VEPH1: variants seen among roughly 807,000 people sequenced by gnomAD.
The protein encoded by VEPH1 is ventricular zone-expressed PH domain-containing protein homolog 1.
A neutral mutation model predicts 85.2 loss-of-function variants in VEPH1; 80 were observed. The observed-to-expected ratio is 0.94, with a 90% CI of 0.78 to 1.13. The LOEUF is 1.13. Ranked by LOEUF, VEPH1 falls within the 50% of genes most tolerant of loss-of-function variation. The pLI, the probability that VEPH1 is intolerant of heterozygous loss-of-function variation, is 0.00. For missense variants in VEPH1, 955 were observed against 980.5 expected, an observed-to-expected ratio of 0.97 and a Z score of 0.35; for synonymous variants, 297 against 348.0, an observed-to-expected ratio of 0.85 and a Z score of 1.63.
chr3:157,361,589 C>T (rs1212421197), intron 9 of VEPH1, among the ~76,000 whole-genome samples: 1 of 152,182 alleles, frequency 6.6e-6, no homozygotes, highest in African/African-American at 2.4e-5. Flanking sequence ...GCAGATCATG[C>T]CAGAGTGCTA....
chr3:157,264,733 A>G (rs913404243), intron 13 of VEPH1, among the ~76,000 whole-genome samples: 2 of 152,190 alleles, frequency 1.3e-5, no homozygotes, highest in Non-Finnish European at 2.9e-5. Context: ...GTTTGAGGCA[A>G]TCCAAGGTGT....
At chr3:157,430,791 A>C (rs576373856) in intron 4 of VEPH1, among the ~76,000 whole-genome samples, 7 of 152,214 alleles carry the variant, frequency 4.6e-5, no homozygotes, top group Non-Finnish European at 1.0e-4. Flanking sequence ...TTTGTGAAGC[A>C]GTTGTATTCA....
At chr3:157,272,328 C>G (rs6771044) in intron 12 of VEPH1, among the ~76,000 whole-genome samples, 38,512 of 144,642 alleles carry the variant, frequency 0.27, 5,786 homozygotes, top group South Asian at 0.34. Flanking sequence ...CTCTCTCTCT[C>G]TCTTTCTTTC....
chr3:157,403,444 CT>C (rs910606454), intron 6 of VEPH1, among the ~76,000 whole-genome samples: 10 of 151,866 alleles, frequency 6.6e-5, no homozygotes, highest in Non-Finnish European at 1.3e-4. Context: ...ATTAAAGGAT[CT>C]TTTTTTTCTT....
chr3:157,448,906 G>T (rs1199708894), intron 4 of VEPH1, among the ~76,000 whole-genome samples: 3 of 152,128 alleles, frequency 2.0e-5, no homozygotes, highest in Non-Finnish European at 2.9e-5. Context: ...TCATGAGGGT[G>T]GTTTCCCCCA....
chr3:157,410,999 C>T (rs957959899), intron 6 of VEPH1, among the ~76,000 whole-genome samples: 3 of 152,154 alleles, frequency 2.0e-5, no homozygotes, highest in African/African-American at 7.2e-5. Flanking sequence ...TGCAGCTACA[C>T]GTGGTCATAT....
chr3:157,366,433 A>AAAAG (rs974948469), intron 7 of VEPH1, among the ~76,000 whole-genome samples: 4 of 152,108 alleles, frequency 2.6e-5, no homozygotes, highest in African/African-American at 9.7e-5. Context: ...ACAAGAAAGA[A>AAAAG]AAAGAAAGAA....
intron 7 of VEPH1, among the ~76,000 whole-genome samples, chr3:157,366,819 C>T (rs995977753): frequency 1.4e-4 from 22 of 152,070 alleles, no homozygotes; most frequent in Admixed American, 1.4e-3. Flanking sequence ...TGCAGAAGGG[C>T]TGGTAACTAA....
intron 7 of VEPH1, among the ~76,000 whole-genome samples, chr3:157,374,759 A>G (rs985864518): frequency 1.3e-5 from 2 of 152,214 alleles, no homozygotes; most frequent in Non-Finnish European, 2.9e-5. Context: ...TCTGAATGCC[A>G]GCTTTCAATG....
rs190356255 is a variant in VEPH1, at chr3:157,344,022, G to A, written c.1735+19342C>T. Among the ~76,000 whole-genome samples, 9 of 152,168 alleles carry A rather than the reference G, an allele frequency of 5.9e-5. No homozygotes were observed. In the East Asian group the frequency reaches 9.6e-4, roughly 16 times the overall value. ...TCAATAAATTAGGTATTGATGGGAC[G>A]TATCTCAAAATAATAAGAGCTATTT... On this transcript the variant is annotated intron_variant, in intron 9 of 13. Transcript: ENST00000362010.
intron 9 of VEPH1, among the ~76,000 whole-genome samples, chr3:157,343,030 G>A (rs1723767026): frequency 6.6e-6 from 1 of 152,180 alleles, no homozygotes; most frequent in East Asian, 1.9e-4. Context: ...TTAAAGCAGT[G>A]TGCAGAGGGA....
intron 11 of VEPH1, among the ~76,000 whole-genome samples, chr3:157,298,223 G>A (rs1335216416): frequency 1.3e-5 from 2 of 152,188 alleles, no homozygotes; most frequent in African/African-American, 4.8e-5. Flanking sequence ...TATGAGGGAG[G>A]TGGATTCTTT....
chr3:157,413,467 T>C (rs1731673279), intron 6 of VEPH1: 1 of 985,340 alleles, frequency 1.0e-6, no homozygotes, highest in Non-Finnish European at 1.2e-6. Flanking sequence ...GTCTCCTGGG[T>C]TAAGAGAAAT....
At chr3:157,374,012 C>T (rs1201176246) in intron 7 of VEPH1, among the ~76,000 whole-genome samples, 3 of 152,146 alleles carry the variant, frequency 2.0e-5, no homozygotes, top group Non-Finnish European at 4.4e-5. Flanking sequence ...AGATGAATTC[C>T]TGAAATGCCT....
chr3:157,485,586 C>T lies in VEPH1; in HGVS notation c.138+9626G>A, dbSNP rs540514059. ...AAAAACTCAATCAATTAAAAATTTT[C>T]AGAAAAAATATAAAAATAAACATGG... On this transcript the variant is annotated intron_variant, in intron 2 of 13. Coordinates refer to ENST00000362010, the MANE Select transcript of VEPH1 (RefSeq NM_001167912.2). Among the ~76,000 whole-genome samples the T allele has an allele frequency of 3.9e-3, 585 of 151,822 alleles. 1 individual carries two copies. Among genetic ancestry groups the T allele is most frequent in the African/African-American group, 0.013 (551 of 41,404 alleles).
At chr3:157,427,190 G>A (rs1448832745) in intron 5 of VEPH1, among the ~76,000 whole-genome samples, 2 of 151,986 alleles carry the variant, frequency 1.3e-5, no homozygotes, top group African/African-American at 2.4e-5. Context: ...GTTTCACGGT[G>A]TTGGTCCTGT....
intron 2 of VEPH1, among the ~76,000 whole-genome samples, chr3:157,494,009 A>G (rs947607178): frequency 2.6e-5 from 4 of 152,192 alleles, no homozygotes; most frequent in Admixed American, 2.6e-4. Context: ...TGTACCAGGA[A>G]CATGTTGTGC....
At chr3:157,448,151 C>T (rs1355989018) in intron 4 of VEPH1, among the ~76,000 whole-genome samples, 4 of 151,956 alleles carry the variant, frequency 2.6e-5, no homozygotes, top group Non-Finnish European at 4.4e-5. Flanking sequence ...TCTGAGACTG[C>T]TCACCAAGCA....
At chr3:157,442,505 G>A (rs2109241000) in intron 4 of VEPH1, 1 of 1,614,142 alleles carries the variant, frequency 6.2e-7, no homozygotes, top group Middle Eastern at 1.6e-4. Context: ...AAACCATCCT[G>A]TTTTCCTATG....
Sources: gnomAD v4.1 joint callset for allele counts (sites outside exome capture counted in the v4.1 genomes callset) on GRCh38, gnomAD v4.1.1 for gene constraint, MANE v1.5 for transcripts, NCBI Gene and HGNC (gene_info 2026-07-23, HGNC 2026-07-21) for gene names.